The following KIAA1191 variants were observed in gnomAD, a reference collection of about 807,000 sequenced individuals.
KIAA1191 encodes the protein putative monooxygenase p33MONOX.
In KIAA1191, 22 loss-of-function variants were observed where a neutral mutation model predicts 31.1. The ratio of observed to expected loss-of-function variants is 0.71; its 90% confidence interval spans 0.51 to 1.01. The LOEUF (loss-of-function observed/expected upper bound fraction) is 1.01. KIAA1191 is among the 50% of genes least tolerant of loss of function. The pLI, the probability that KIAA1191 is intolerant of heterozygous loss-of-function variation, is 0.00. For missense variants in KIAA1191, 319 were observed against 388.0 expected (o/e 0.82, Z 1.49); for synonymous variants, 130 against 143.9 (o/e 0.90, Z 0.69).
In KIAA1191 at chr5:176,358,908, C is replaced by A. The variant is rs563539322; in HGVS notation, c.28+573G>T. Among the ~76,000 whole-genome samples, 27 of 151,924 alleles carry A rather than the reference C, an allele frequency of 1.8e-4. No homozygotes were observed. In the East Asian group the frequency reaches 2.3e-3, roughly 13 times the overall value. On this transcript the variant is annotated intron_variant, in intron 3 of 8. Transcript: ENST00000298569. ...GACCATCCTGGCTAACACGGTGAAA[C>A]CTCGTCTCTACTAAAAATACAAAAA...
At position 176,355,763 on chromosome 5, in the gene KIAA1191, C is replaced by T. The variant is rs2113498658; in HGVS notation, c.29-14G>A. 1 of 1,613,680 alleles carries T rather than the reference C, an allele frequency of 6.2e-7. No individual in the cohort carries two copies. Among genetic ancestry groups the T allele is most frequent in the East Asian group, 2.2e-5 (1 of 44,888 alleles). On this transcript the variant is annotated splice_polypyrimidine_tract_variant and intron_variant, in intron 3 of 8. Transcript: ENST00000298569. The surrounding 1 kb of genome is among the most constrained non-coding windows in gnomAD (Gnocchi z 4.2). Reference sequence around the variant, plus strand: ...TAGCCTCAAGAGCTAAGAACAGAGACACCTGTCAAGACAGGTTCAGCAACT... The same window carrying T: ...TAGCCTCAAGAGCTAAGAACAGAGATACCTGTCAAGACAGGTTCAGCAACT...
chr5:176,352,154 T>TAA (rs112644959), intron 5 of KIAA1191, among the ~76,000 whole-genome samples: 44 of 115,864 alleles, frequency 3.8e-4, no homozygotes, highest in African/African-American at 1.1e-3. Context: ...TTGAGCTGTT[T>TAA]AAAAAAAAAA....
intron 4 of KIAA1191, 56 bp from the exon 5 acceptor site, chr5:176,352,804 C>T (rs1767149972): frequency 6.5e-7 from 1 of 1,537,320 alleles, no homozygotes; most frequent in Non-Finnish European, 8.8e-7. Flanking sequence ...GAGTCACACA[C>T]CTAAACTTAC....
chr5:176,359,606 G>C (rs1767816362), intron 2 of KIAA1191, 39 bp from the exon 3 acceptor site: 1 of 937,960 alleles, frequency 1.1e-6, no homozygotes. Context: ...ATGGTGAGCA[G>C]CACCAATGCT....
Position 176,346,437 on chromosome 5 carries a change from A to C in KIAA1191, c.*1163T>G, listed in dbSNP as rs1766509310. 1 of 152,256 alleles carries C rather than the reference A, an allele frequency of 6.6e-6. No homozygotes were observed. Among genetic ancestry groups the C allele is most frequent in the African/African-American group, 2.4e-5 (1 of 41,482 alleles). 9.4% of individuals were successfully genotyped at this position (152,256 alleles called of 1,614,324 possible). A position where few individuals can be genotyped will look rare whatever the true frequency, so the allele number is the denominator to read the frequency against. ...TGAACAAGGAAATCAAAGTAAGTTA[A>C]CACCACTGGCTTCACATGAACCTCA... is the stretch of plus-strand genomic sequence containing the variant. On this transcript the variant is annotated 3_prime_UTR_variant, in exon 9 of 9. Transcript: ENST00000298569.
rs919349937 is a variant in KIAA1191, at chr5:176,355,974, C to CT, written c.29-226dup. On this transcript the variant is annotated intron_variant, in intron 3 of 8. Transcript: ENST00000298569. The surrounding 1 kb of genome is among the most constrained non-coding windows in gnomAD (Gnocchi z 4.2). Reference sequence around the variant, plus strand: ...CTTAACCCACTCAGCCGTCCTAATCCTTTTTTTTTATTATTTGTTTAGAGA... The same window carrying CT: ...CTTAACCCACTCAGCCGTCCTAATCCTTTTTTTTTTATTATTTGTTTAGAGA... 6.9e-4 allele frequency: 358 copies of CT among 522,110 alleles called. No individual in the cohort carries two copies. The highest frequency in any genetic ancestry group is 9.7e-4 in the East Asian group (28 of 28,950). The allele number at this position is 522,110 out of a possible 1,614,324, so 32.3% of individuals were successfully genotyped here.
intron 3 of KIAA1191, among the ~76,000 whole-genome samples, chr5:176,357,793 C>T (rs146997278): frequency 7.9e-4 from 121 of 152,220 alleles, no homozygotes; most frequent in East Asian, 1.9e-3. Flanking sequence ...TTGGGGAATA[C>T]GGGAGACTTG....
In KIAA1191 at chr5:176,355,554, C is replaced by G. The variant is rs745752548; in HGVS notation, c.207+17G>C. 6 of 1,599,504 alleles carry G rather than the reference C, an allele frequency of 3.8e-6. No individual in the cohort carries two copies. In the South Asian group the frequency reaches 6.6e-5, roughly 18 times the overall value. On this transcript the variant is annotated intron_variant, in intron 4 of 8. Transcript: ENST00000298569. This position sits in a 1 kb window ranked among gnomAD's most constrained non-coding sequence, Gnocchi z 4.2. ...AAGGGGTTGCGTATGCCAGAAATGG[C>G]CAGCAGGGTCAGATACCTTGGCGAG... is the stretch of plus-strand genomic sequence containing the variant.
chr5:176,355,231 TAAAAAG>T lies in KIAA1191; in HGVS notation c.207+334_207+339del, dbSNP rs1243090971. ...AGACAAGGCCATTCTAGTTTTGAAT[TAAAAAG>T]AAAAAAAAAAGGAGGGAGATTTAAA... On this transcript the variant is annotated intron_variant, in intron 4 of 8. Coordinates refer to ENST00000298569, the MANE Select transcript of KIAA1191 (RefSeq NM_020444.5). This position sits in a 1 kb window ranked among gnomAD's most constrained non-coding sequence, Gnocchi z 4.2. Among the ~76,000 whole-genome samples the T allele has an allele frequency of 1.3e-5, 2 of 150,294 alleles. No homozygotes were observed. Among genetic ancestry groups the T allele is most frequent in the Non-Finnish European group, 3.0e-5 (2 of 67,618 alleles).
In KIAA1191 at chr5:176,355,723, T is replaced by G. The variant is rs779622654; in HGVS notation, c.55A>C (p.Lys19Gln). ...PALEASAPLGKMSLPIGIYRR... is the reference protein window; with the variant it reads ...PALEASAPLGQMSLPIGIYRR... Reference sequence around the variant, plus strand: ...TATATCCCGATGGGCAGGGACATCTTGCCTAGAGGCGCACTAGCCTCAAGA... The same window carrying G: ...TATATCCCGATGGGCAGGGACATCTGGCCTAGAGGCGCACTAGCCTCAAGA... Residue 19 changes from lysine to glutamine, a missense_variant, in exon 4 of 9, where the codon AAG becomes CAG. Coordinates refer to ENST00000298569, the MANE Select transcript of KIAA1191 (RefSeq NM_020444.5). The surrounding 1 kb of genome is among the most constrained non-coding windows in gnomAD (Gnocchi z 4.2). 1 of 1,614,008 alleles carries G rather than the reference T, an allele frequency of 6.2e-7. No homozygotes were observed. Among genetic ancestry groups the G allele is most frequent in the Non-Finnish European group, 8.5e-7 (1 of 1,180,030 alleles).
At chr5:176,352,875 G>A in intron 4 of KIAA1191, 127 bp from the exon 5 acceptor site, 1 of 1,063,394 alleles carries the variant, frequency 9.4e-7, no homozygotes, top group Non-Finnish European at 1.3e-6. Context: ...ATCATTGAAG[G>A]GAGGAGTTGG....
rs375399505 is a variant in KIAA1191, at chr5:176,347,635, G to T, written c.883C>A (p.Arg295Ser). Reference protein sequence around the residue: ...QPPRAHNLKPRDLNVLTPTGF With the variant: ...QPPRAHNLKPSDLNVLTPTGF Reference sequence around the variant, plus strand: ...GTGGGTGTGAGCACATTCAGGTCACGGGGTTTGAGGTTATGGGCCCGTGGT... The same window carrying T: ...GTGGGTGTGAGCACATTCAGGTCACTGGGTTTGAGGTTATGGGCCCGTGGT... Residue 295 changes from arginine to serine, a missense_variant, in exon 9 of 9, where the codon CGT becomes AGT. Physicochemically the swap from Arg to Ser is moderately radical, Grantham distance 110. Coordinates refer to ENST00000298569, the MANE Select transcript of KIAA1191 (RefSeq NM_020444.5). 3.3e-6 allele frequency: 5 copies of T among 1,535,514 alleles called. No homozygotes were observed. Among genetic ancestry groups the T allele is most frequent in the Admixed American group, 2.1e-5 (1 of 46,812 alleles).
intron 5 of KIAA1191, among the ~76,000 whole-genome samples, chr5:176,352,110 AC>A (rs1321958604): frequency 2.0e-5 from 3 of 151,030 alleles, no homozygotes; most frequent in African/African-American, 4.9e-5. Flanking sequence ...GACTAAAGAC[AC>A]TTGGACCTGG....
chr5:176,359,423 C>T, intron 3 of KIAA1191, 58 bp downstream of exon 3: 1 of 1,527,268 alleles, frequency 6.5e-7, no homozygotes, highest in Non-Finnish European at 9.1e-7. Flanking sequence ...TGGTTTCTGT[C>T]TAGCTTAAAA....
rs1767849358 is a variant in KIAA1191, at chr5:176,359,934, A to T, written c.-167-16T>A. 5.8e-6 allele frequency: 1 copy of T among 173,070 alleles called. No homozygotes were observed. Among genetic ancestry groups the T allele is most frequent in the South Asian group, 1.4e-4 (1 of 7,014 alleles). 10.7% of individuals were successfully genotyped at this position (173,070 alleles called of 1,614,324 possible). On this transcript the variant is annotated splice_polypyrimidine_tract_variant and intron_variant, in intron 1 of 8. Coordinates refer to ENST00000298569, the MANE Select transcript of KIAA1191 (RefSeq NM_020444.5). ...TCCAGAGGTTCTAATAACAACAAACAGCCAGCATTGGAACAGCCCGTCAGA... is the reference window on the plus strand; with the variant it reads ...TCCAGAGGTTCTAATAACAACAAACTGCCAGCATTGGAACAGCCCGTCAGA...
Position 176,356,075 on chromosome 5 carries a change from G to C in KIAA1191, c.29-326C>G. On this transcript the variant is annotated intron_variant, in intron 3 of 8. Transcript: ENST00000298569. The stretch of plus-strand genomic sequence containing the variant: ...TGCAGGCTCAACCTCCTGGGCTCAA[G>C]TGCCTCAGCCTAGCGAGTAGTTGGG... 2 of 292,754 alleles carry C rather than the reference G, an allele frequency of 6.8e-6. 1 individual carries two copies. Among genetic ancestry groups the C allele is most frequent in the South Asian group, 6.8e-5 (2 of 29,360 alleles). The allele number at this position is 292,754 out of a possible 1,614,324, so 18.1% of individuals were successfully genotyped here.
chr5:176,350,332 C>T (rs1766875085), intron 6 of KIAA1191, among the ~76,000 whole-genome samples: 2 of 152,216 alleles, frequency 1.3e-5, no homozygotes, highest in Non-Finnish European at 2.9e-5. Context: ...TCTGTTGAGG[C>T]TGCCCAGTTC....
intron 5 of KIAA1191, among the ~76,000 whole-genome samples, chr5:176,352,179 A>AC (rs1270905248): frequency 2.3e-5 from 3 of 130,264 alleles, no homozygotes; most frequent in African/African-American, 9.6e-5. Flanking sequence ...AAAAAAAAAA[A>AC]CAAAAACTGG....
Position 176,361,541 on chromosome 5 carries a change from C to T in KIAA1191, c.-168+61G>A, listed in dbSNP as rs1420567716. The T allele has an allele frequency of 6.6e-6, 1 of 152,514 alleles. No homozygotes were observed. The highest frequency in any genetic ancestry group is 1.5e-5 in the Non-Finnish European group (1 of 68,290). 9.4% of individuals were successfully genotyped at this position (152,514 alleles called of 1,614,324 possible). A position where few individuals can be genotyped will look rare whatever the true frequency, so the allele number is the denominator to read the frequency against. ...CCGAGATCGGGCCTCGCCGGAAGCG[C>T]CCCTCCTGATCGCCAGAGAACGCAG... On this transcript the variant is annotated intron_variant, in intron 1 of 8. Transcript: ENST00000298569. The surrounding 1 kb of genome is among the most constrained non-coding windows in gnomAD (Gnocchi z 4.0).
Sources: allele counts gnomAD v4.1 joint callset (sites outside exome capture counted in the v4.1 genomes callset), GRCh38; gene constraint gnomAD v4.1.1; non-coding constraint Gnocchi (gnomAD v3.1); transcripts MANE v1.5; gene names NCBI Gene and HGNC (gene_info 2026-07-23, HGNC 2026-07-21).